The following RFX3 variants were observed in gnomAD, a reference collection of about 807,000 sequenced individuals.
RFX3 encodes the protein transcription factor RFX3.
Under a neutral mutation model 98.6 loss-of-function variants are expected in RFX3, and 14 were observed. The observed-to-expected ratio is 0.14, with a 90% CI of 0.09 to 0.22. The LOEUF is 0.22. Ranked by LOEUF, RFX3 falls within the 10% of genes least tolerant of loss-of-function variation. The probability of loss-of-function intolerance (pLI) is 1.00; values close to 1 mark genes in which losing one functional copy is unlikely to be tolerated. For missense variants in RFX3, 639 were observed against 926.9 expected (o/e 0.69, Z 4.03); for synonymous variants, 383 against 328.4 (o/e 1.17, Z -1.80).
chr9:3,452,279 C>A, intron 1 of RFX3: 2 of 209,154 alleles, frequency 9.6e-6, no homozygotes, highest in African/African-American at 4.9e-5. Flanking sequence ...AATTGATGCT[C>A]AAATGTCATT....
At chr9:3,329,429 C>CAAAAAAAAAAAAAAAAA (rs1056225979) in intron 4 of RFX3, among the ~76,000 whole-genome samples, 2 of 108,282 alleles carry the variant, frequency 1.8e-5, no homozygotes, top group African/African-American at 8.6e-5. Flanking sequence ...AAAAAAAAAA[C>CAAAAAAAAAAAAAAAAA]AAAAAACCAC....
intron 1 of RFX3, among the ~76,000 whole-genome samples, chr9:3,438,921 C>G (rs140046052): frequency 2.5e-4 from 38 of 151,930 alleles, no homozygotes; most frequent in African/African-American, 8.9e-4. Flanking sequence ...TTATAATATT[C>G]TGGCCATAAA....
At chr9:3,491,441 A>G (rs1436066820) in intron 1 of RFX3, among the ~76,000 whole-genome samples, 1 of 152,204 alleles carries the variant, frequency 6.6e-6, no homozygotes, top group Non-Finnish European at 1.5e-5. Flanking sequence ...AAACGACTAC[A>G]CAATACTTCT....
chr9:3,382,273 A>C (rs1200366876), intron 2 of RFX3, among the ~76,000 whole-genome samples: 1 of 152,226 alleles, frequency 6.6e-6, no homozygotes, highest in Non-Finnish European at 1.5e-5. Flanking sequence ...AGCAACATTT[A>C]AGAGTTTAAA....
intron 1 of RFX3, among the ~76,000 whole-genome samples, chr9:3,500,418 T>C (rs923027626): frequency 6.6e-6 from 1 of 152,106 alleles, no homozygotes; most frequent in Admixed American, 6.6e-5. Context: ...AGAAAACAAA[T>C]ATGAAAGTTT....
intron 3 of RFX3, among the ~76,000 whole-genome samples, chr9:3,339,834 A>C (rs529224252): frequency 3.5e-4 from 53 of 152,306 alleles, no homozygotes; most frequent in African/African-American, 9.1e-4. Flanking sequence ...TGCCCAAGGT[A>C]ATTTATAGAT....
intron 1 of RFX3, among the ~76,000 whole-genome samples, chr9:3,409,471 T>A (rs917505342): frequency 3.9e-5 from 6 of 152,180 alleles, no homozygotes; most frequent in African/African-American, 1.4e-4. Context: ...AAAATTAAAA[T>A]CAAATTAAAA....
At chr9:3,367,527 G>A (rs1390196011) in intron 2 of RFX3, among the ~76,000 whole-genome samples, 1 of 152,168 alleles carries the variant, frequency 6.6e-6, no homozygotes, top group African/African-American at 2.4e-5. Context: ...GATAATAAGT[G>A]GGTGTTGTTT....
Position 3,287,987 on chromosome 9 carries a change from A to G in RFX3, c.851+144T>C, listed in dbSNP as rs371792192. 217 of 816,684 alleles carry G rather than the reference A, an allele frequency of 2.7e-4. No individual in the cohort carries two copies. The African/African-American group carries it at 3.4e-3, about 13-fold the overall frequency. 50.6% of individuals were successfully genotyped at this position (816,684 alleles called of 1,614,324 possible). A position where few individuals can be genotyped will look rare whatever the true frequency, so the allele number is the denominator to read the frequency against. On this transcript the variant is annotated intron_variant, in intron 7 of 16. Transcript: ENST00000617270. ...ACAGGCGAGATCACTGAAATTCTAAATCATATTTAAGAACTATCTGTAGTG... is the reference window on the plus strand; with the variant it reads ...ACAGGCGAGATCACTGAAATTCTAAGTCATATTTAAGAACTATCTGTAGTG...
At chr9:3,250,130 AT>A (rs1821191880) in intron 14 of RFX3, among the ~76,000 whole-genome samples, 1 of 151,916 alleles carries the variant, frequency 6.6e-6, no homozygotes, top group African/African-American at 2.4e-5. Flanking sequence ...GGTAAAAAAA[AT>A]TTTAAAGCAG....
chr9:3,503,527 C>G (rs1334288723), intron 1 of RFX3, among the ~76,000 whole-genome samples: 1 of 152,074 alleles, frequency 6.6e-6, no homozygotes, highest in African/African-American at 2.4e-5. Flanking sequence ...TGACACCAAA[C>G]TGAGTATCTG....
chr9:3,274,285 T>C (rs1415008216), intron 9 of RFX3, among the ~76,000 whole-genome samples: 1 of 152,180 alleles, frequency 6.6e-6, no homozygotes, highest in East Asian at 1.9e-4. Flanking sequence ...TAAGAACCTC[T>C]TACTGCATAC....
At chr9:3,395,976 T>C (rs952535567) in intron 1 of RFX3, among the ~76,000 whole-genome samples, 1 of 152,182 alleles carries the variant, frequency 6.6e-6, no homozygotes. Flanking sequence ...GTGTCATGAA[T>C]TCTACTTTCT....
intron 1 of RFX3, among the ~76,000 whole-genome samples, chr9:3,407,555 T>C (rs1232124161): frequency 1.3e-5 from 2 of 152,158 alleles, no homozygotes; most frequent in Non-Finnish European, 2.9e-5. Context: ...GAGCAACATG[T>C]TGTTTCATTG....
At chr9:3,383,459 T>C (rs1839403074) in intron 2 of RFX3, among the ~76,000 whole-genome samples, 1 of 152,124 alleles carries the variant, frequency 6.6e-6, no homozygotes, top group African/African-American at 2.4e-5. Flanking sequence ...TCACAGTTTA[T>C]CTTGTTTAAT....
chr9:3,310,144 G>C (rs3012699), intron 4 of RFX3, among the ~76,000 whole-genome samples: 2,432 of 152,266 alleles, frequency 0.016, 64 homozygotes, highest in African/African-American at 0.055. Flanking sequence ...AGGGGCAGTT[G>C]ATAATGCCAA....
intron 5 of RFX3, among the ~76,000 whole-genome samples, chr9:3,296,636 C>G (rs1034258824): frequency 6.6e-6 from 1 of 152,030 alleles, no homozygotes; most frequent in Non-Finnish European, 1.5e-5. Context: ...CACTTTGACA[C>G]TAGCAAAGCT....
chr9:3,517,831 T>C (rs1213489814), intron 1 of RFX3, among the ~76,000 whole-genome samples: 1 of 152,152 alleles, frequency 6.6e-6, no homozygotes, highest in African/African-American at 2.4e-5. Context: ...TGAGTAGAAA[T>C]TGTAAGATAA....
intron 6 of RFX3, among the ~76,000 whole-genome samples, chr9:3,290,479 CA>C (rs1827196108): frequency 6.6e-6 from 1 of 151,974 alleles, no homozygotes; most frequent in African/African-American, 2.4e-5. Flanking sequence ...GAATAAAGCC[CA>C]GAGTTTCAAA....
Sources: gnomAD v4.1 joint callset for allele counts (sites outside exome capture counted in the v4.1 genomes callset) on GRCh38, gnomAD v4.1.1 for gene constraint, MANE v1.5 for transcripts, NCBI Gene and HGNC (gene_info 2026-07-23, HGNC 2026-07-21) for gene names.